Variants in BTD observed in about 807,000 individuals in gnomAD.
BTD encodes the protein biotinidase.
BTD carries 13 observed loss-of-function variants against 17.7 expected under a neutral mutation model. That is an observed-to-expected ratio of 0.74 (90% CI 0.48 to 1.17). The LOEUF (loss-of-function observed/expected upper bound fraction) is 1.17. Among genes scored for constraint, BTD ranks in the 50% most tolerant of loss-of-function variants. The pLI is 0.00. For missense variants in BTD, 674 were observed against 650.4 expected, an observed-to-expected ratio of 1.04 and a Z score of -0.39; for synonymous variants, 240 against 245.2, an observed-to-expected ratio of 0.98 and a Z score of 0.20.
At chr3:15,638,144 G>A (rs1310791190) in intron 2 of BTD, among the ~76,000 whole-genome samples, 1 of 152,146 alleles carries the variant, frequency 6.6e-6, no homozygotes, top group Non-Finnish European at 1.5e-5. Context: ...ATCGAGAATT[G>A]CATACAGAAA....
intron 1 of BTD, among the ~76,000 whole-genome samples, chr3:15,603,089 TC>T (rs2064325262): frequency 6.6e-6 from 1 of 152,076 alleles, no homozygotes; most frequent in Non-Finnish European, 1.5e-5. Flanking sequence ...AAAAATCCCC[TC>T]CCCATGATTC....
chr3:15,707,087 A>T (rs150716885), intron 3 of BTD, among the ~76,000 whole-genome samples: 12 of 152,354 alleles, frequency 7.9e-5, no homozygotes, highest in Admixed American at 1.3e-4. Flanking sequence ...TAAATGTTAA[A>T]AACCGAATAA....
intron 3 of BTD, chr3:15,686,390 G>A: frequency 8.6e-7 from 1 of 1,163,692 alleles, no homozygotes; most frequent in East Asian, 2.6e-5. Flanking sequence ...ACATCTTCTA[G>A]AATTTACTTT....
chr3:15,655,324 C>T (rs1309826077), downstream of BTD, among the ~76,000 whole-genome samples: 1 of 152,076 alleles, frequency 6.6e-6, no homozygotes, highest in Admixed American at 6.5e-5. Context: ...ATAATAAAAG[C>T]CAGTATTTTG....
intron 2 of BTD, among the ~76,000 whole-genome samples, chr3:15,636,119 G>C (rs1410338042): frequency 1.3e-5 from 2 of 152,180 alleles, no homozygotes; most frequent in Non-Finnish European, 2.9e-5. Context: ...GTGTGGACTG[G>C]CACTGGGATT....
chr3:15,666,721 C>A (rs9811281), intron 3 of BTD, among the ~76,000 whole-genome samples: 6,279 of 152,188 alleles, frequency 0.041, 423 homozygotes, highest in African/African-American at 0.14. Context: ...TGCTAAGTGC[C>A]AATATATCTA....
At chr3:15,677,412 A>G in intron 3 of BTD, 2 of 1,180,000 alleles carry the variant, frequency 1.7e-6, no homozygotes, top group Non-Finnish European at 2.5e-6. Flanking sequence ...ATTTTAGTGA[A>G]GTCAAAAAAC....
downstream of BTD, chr3:15,713,589 T>C (rs750106637): frequency 4.3e-6 from 7 of 1,611,312 alleles, no homozygotes; most frequent in East Asian, 1.1e-4. Context: ...CATACCGTGC[T>C]GCTATGTGCA....
intron 1 of BTD, among the ~76,000 whole-genome samples, chr3:15,607,877 A>G (rs1017655127): frequency 8.5e-5 from 13 of 152,262 alleles, no homozygotes; most frequent in African/African-American, 2.9e-4. Flanking sequence ...ATGTCAACAT[A>G]GGAAGTAAAA....
intron 1 of BTD, among the ~76,000 whole-genome samples, chr3:15,608,658 G>A (rs535312616): frequency 2.0e-5 from 3 of 151,926 alleles, no homozygotes; most frequent in Admixed American, 2.0e-4. Context: ...CCCAGCTACC[G>A]GGGAGGCTGA....
intron 4 of BTD, among the ~76,000 whole-genome samples, chr3:15,721,479 A>T (rs1221553700): frequency 6.6e-6 from 1 of 152,212 alleles, no homozygotes; most frequent in Non-Finnish European, 1.5e-5. Flanking sequence ...TTATAATCAT[A>T]AAAAATGAAC....
In BTD at chr3:15,649,992, G is replaced by C. The variant is rs150688777; in HGVS notation, c.*4504G>C. ...ACTGACAGAGAGATATTAATGAATT[G>C]CCCACATGCAAATATGTGCTGAGTC... is the stretch of plus-strand genomic sequence containing the variant. On this transcript the variant is annotated 3_prime_UTR_variant, in exon 4 of 4. Coordinates refer to ENST00000643237, the MANE Select transcript of BTD (RefSeq NM_001370658.1). Among the ~76,000 whole-genome samples, 13 of 152,274 alleles carry C rather than the reference G, an allele frequency of 8.5e-5. No homozygotes were observed. Among genetic ancestry groups the C allele is most frequent in the African/African-American group, 2.9e-4 (12 of 41,552 alleles).
At chr3:15,676,310 T>A in intron 3 of BTD, 1 of 218,284 alleles carries the variant, frequency 4.6e-6, no homozygotes, top group Non-Finnish European at 8.9e-6. Context: ...ATTCCTCCGT[T>A]GTTAAGGAAT....
chr3:15,618,791 C>A (rs183833912), intron 1 of BTD, among the ~76,000 whole-genome samples: 1 of 152,202 alleles, frequency 6.6e-6, no homozygotes, highest in Non-Finnish European at 1.5e-5. Context: ...TCCCAAAGTG[C>A]TGGGATTACA....
rs2065821872 is a variant in BTD, at chr3:15,652,547, A to G, written c.*7059A>G. Among the ~76,000 whole-genome samples, 2 of 152,198 alleles carry G rather than the reference A, an allele frequency of 1.3e-5. No homozygotes were observed. Among genetic ancestry groups the G allele is most frequent in the South Asian group, 2.1e-4 (1 of 4,830 alleles). Reference sequence around the variant, plus strand: ...ACCACTGCCCTGGGAAACGACTGCAACCTCATGAGAGACCCTGAGCCGGAA... The same window carrying G: ...ACCACTGCCCTGGGAAACGACTGCAGCCTCATGAGAGACCCTGAGCCGGAA... On this transcript the variant is annotated 3_prime_UTR_variant, in exon 4 of 4. Transcript: ENST00000643237.
intron 3 of BTD, chr3:15,686,597 A>G (rs979676394): frequency 7.9e-5 from 33 of 416,996 alleles, no homozygotes; most frequent in Non-Finnish European, 1.3e-4. Flanking sequence ...CTCTCTGGCA[A>G]TGTGGTCAGG....
At chr3:15,630,410 T>C (rs553448457) in intron 1 of BTD, among the ~76,000 whole-genome samples, 29 of 152,198 alleles carry the variant, frequency 1.9e-4, no homozygotes, top group Non-Finnish European at 3.8e-4. Flanking sequence ...AGACAGACTG[T>C]TATTCAAATT....
intron 3 of BTD, among the ~76,000 whole-genome samples, chr3:15,692,042 A>G (rs1229805602): frequency 6.6e-6 from 1 of 150,428 alleles, no homozygotes; most frequent in East Asian, 2.0e-4. Flanking sequence ...CAGGAGGCTG[A>G]GGCGGAAGTA....
At chr3:15,687,524 C>T (rs115428904) in intron 3 of BTD, among the ~76,000 whole-genome samples, 52 of 152,152 alleles carry the variant, frequency 3.4e-4, no homozygotes, top group African/African-American at 1.1e-3. Flanking sequence ...TAAAGAAATA[C>T]ATTAGAAAAA....
Sources: gnomAD v4.1 joint callset for allele counts (sites outside exome capture counted in the v4.1 genomes callset) on GRCh38, gnomAD v4.1.1 for gene constraint, MANE v1.5 for transcripts, NCBI Gene and HGNC (gene_info 2026-07-23, HGNC 2026-07-21) for gene names.